Variants in PTPRD observed in about 807,000 individuals in gnomAD.
PTPRD encodes the protein receptor-type tyrosine-protein phosphatase delta.
PTPRD carries 34 observed loss-of-function variants against 214.5 expected under a neutral mutation model. The ratio of observed to expected loss-of-function variants is 0.16; its 90% CI spans 0.12 to 0.21. The LOEUF (loss-of-function observed/expected upper bound fraction) is 0.21. Among genes scored for constraint, PTPRD ranks in the 10% least tolerant of loss-of-function variants. The pLI, the probability that PTPRD is intolerant of heterozygous loss-of-function variation, is 1.00. For missense variants in PTPRD, 2,545 were observed against 2,398.7 expected (o/e 1.06, Z -1.27); for synonymous variants, 1,128 against 845.7 (o/e 1.33, Z -5.79).
intron 6 of PTPRD, among the ~76,000 whole-genome samples, chr9:9,759,770 G>A (rs1234652019): frequency 1.3e-5 from 2 of 151,770 alleles, no homozygotes; most frequent in African/African-American, 2.4e-5. Flanking sequence ...TGTTGGCCAG[G>A]CTGGTCTCAA....
chr9:9,861,239 A>G (rs2062694372), intron 5 of PTPRD, among the ~76,000 whole-genome samples: 1 of 152,124 alleles, frequency 6.6e-6, no homozygotes, highest in Non-Finnish European at 1.5e-5. Flanking sequence ...TGAGACTCAC[A>G]TGGTATGAAA....
chr9:9,340,396 T>A (rs2046318607), intron 9 of PTPRD, among the ~76,000 whole-genome samples: 1 of 152,196 alleles, frequency 6.6e-6, no homozygotes, highest in Admixed American at 6.5e-5. Context: ...ACTATTTAAA[T>A]CTCTTTTTAA....
chr9:9,223,040 C>T (rs139319602), intron 9 of PTPRD, among the ~76,000 whole-genome samples: 1 of 151,908 alleles, frequency 6.6e-6, no homozygotes, highest in East Asian at 1.9e-4. Flanking sequence ...TGTTTTAAAT[C>T]TGAACTACAA....
intron 2 of PTPRD, among the ~76,000 whole-genome samples, chr9:10,496,410 T>C (rs1045678258): frequency 4.1e-5 from 6 of 146,170 alleles, no homozygotes; most frequent in African/African-American, 1.2e-4. Flanking sequence ...TTAAATCATT[T>C]ATTTATTAAA....
chr9:9,582,212 T>A (rs1465250078), intron 7 of PTPRD, among the ~76,000 whole-genome samples: 1 of 152,128 alleles, frequency 6.6e-6, no homozygotes, highest in Admixed American at 6.6e-5. Context: ...ATCCTTAGTC[T>A]CAATGCCATA....
At chr9:10,382,741 T>C (rs2097847925) in intron 2 of PTPRD, among the ~76,000 whole-genome samples, 1 of 151,938 alleles carries the variant, frequency 6.6e-6, no homozygotes, top group Admixed American at 6.6e-5. Context: ...AGATATCTAT[T>C]TTTATCCACT....
At chr9:9,222,922 G>A (rs1429907097) in intron 9 of PTPRD, among the ~76,000 whole-genome samples, 1 of 151,926 alleles carries the variant, frequency 6.6e-6, no homozygotes, top group African/African-American at 2.4e-5. Context: ...AAACAATGCA[G>A]ATTAATAATG....
At position 10,309,742 on chromosome 9, in the gene PTPRD, A is replaced by G. The variant is rs1177448618; in HGVS notation, c.-545+31221T>C. ...TATCCTCTCTTTATATTTTATAAAT[A>G]TAGATATATACATATGTGTCTGCTA... is the stretch of plus-strand genomic sequence containing the variant. On this transcript the variant is annotated intron_variant, in intron 3 of 45. Transcript: ENST00000381196. 3.3e-5 allele frequency among the ~76,000 whole-genome samples: 5 copies of G among 152,074 alleles called. No individual in the cohort carries two copies. The East Asian group carries it at 7.8e-4, about 24-fold the overall frequency.
intron 5 of PTPRD, among the ~76,000 whole-genome samples, chr9:9,933,694 C>T (rs1316446039): frequency 6.9e-6 from 1 of 145,560 alleles, no homozygotes; most frequent in Non-Finnish European, 1.5e-5. Context: ...ACAAGGATAC[C>T]CAGGAATTGA....
chr9:10,340,933 A>T (rs2096928146), intron 3 of PTPRD, 30 bp downstream of exon 3: 1 of 151,962 alleles, frequency 6.6e-6, no homozygotes, highest in African/African-American at 2.4e-5. Context: ...GTTTCTTATT[A>T]TCTATTTCTA....
intron 12 of PTPRD, among the ~76,000 whole-genome samples, chr9:8,725,792 T>C (rs1311185371): frequency 1.3e-5 from 2 of 152,120 alleles, no homozygotes; most frequent in African/African-American, 4.8e-5. Context: ...GTCAGAGTAA[T>C]TATACAGCAG....
At chr9:10,327,665 A>G (rs1300500922) in intron 3 of PTPRD, among the ~76,000 whole-genome samples, 2 of 151,920 alleles carry the variant, frequency 1.3e-5, no homozygotes, top group African/African-American at 4.8e-5. Context: ...TTTCAGTGGC[A>G]AAACCTCAGA....
chr9:9,775,110 C>T (rs565670961), intron 5 of PTPRD, among the ~76,000 whole-genome samples: 4 of 152,292 alleles, frequency 2.6e-5, no homozygotes, highest in South Asian at 4.1e-4. Context: ...CCATTATCAT[C>T]AGTCTGTAAC....
chr9:8,784,322 A>C (rs545856371), intron 11 of PTPRD, among the ~76,000 whole-genome samples: 24 of 152,334 alleles, frequency 1.6e-4, no homozygotes, highest in African/African-American at 5.8e-4. Context: ...GTTTTAAATA[A>C]ATTTCATTTC....
chr9:9,449,428 T>A (rs1383205618), intron 8 of PTPRD, among the ~76,000 whole-genome samples: 1 of 151,960 alleles, frequency 6.6e-6, no homozygotes, highest in Non-Finnish European at 1.5e-5. Context: ...ATTTTTAAGC[T>A]ACCAGTAGTG....
intron 44 of PTPRD, among the ~76,000 whole-genome samples, chr9:8,328,846 G>A (rs573125325): frequency 9.2e-5 from 14 of 152,036 alleles, no homozygotes; most frequent in Non-Finnish European, 1.3e-4. Flanking sequence ...TATGCTTCAC[G>A]AAGATCTTGT....
chr9:9,067,580 G>T (rs1361498321), intron 10 of PTPRD, among the ~76,000 whole-genome samples: 1 of 152,038 alleles, frequency 6.6e-6, no homozygotes, highest in Non-Finnish European at 1.5e-5. Context: ...GGTTTGCAAG[G>T]ACATTTTAAA....
intron 3 of PTPRD, among the ~76,000 whole-genome samples, chr9:10,172,024 A>G (rs2099211281): frequency 1.3e-5 from 2 of 152,214 alleles, no homozygotes; most frequent in South Asian, 2.1e-4. Context: ...ATTTATTTCA[A>G]GTTCCAAAGA....
chr9:9,469,842 G>C (rs1192798217), intron 8 of PTPRD, among the ~76,000 whole-genome samples: 1 of 152,100 alleles, frequency 6.6e-6, no homozygotes. Flanking sequence ...ATCAAATGCA[G>C]TCATGGCATA....
Sources: allele counts gnomAD v4.1 joint callset (sites outside exome capture counted in the v4.1 genomes callset), GRCh38; gene constraint gnomAD v4.1.1; transcripts MANE v1.5; gene names NCBI Gene and HGNC (gene_info 2026-07-23, HGNC 2026-07-21).